The following IDH1 variants were observed in gnomAD, a reference collection of about 807,000 sequenced individuals.
IDH1 encodes isocitrate dehydrogenase (NADP(+)) 1.
A neutral mutation model predicts 46.1 loss-of-function variants in IDH1; 33 were observed. That is an observed-to-expected ratio of 0.72 (90% CI 0.54 to 0.96). The LOEUF (loss-of-function observed/expected upper bound fraction) is 0.96. Among genes scored for constraint, IDH1 ranks in the 40% least tolerant of loss-of-function variants. The pLI is 0.00. For synonymous variants in IDH1, 144 were observed against 172.8 expected (o/e 0.83, Z 1.31); for missense variants, 421 against 515.7 (o/e 0.82, Z 1.78).
At position 208,243,588 on chromosome 2, in the gene IDH1, G is replaced by T. The variant is rs748821411; in HGVS notation, c.537C>A (p.Ala179=). The T allele has an allele frequency of 3.2e-5, 52 of 1,613,550 alleles. No individual in the cohort carries two copies. The highest frequency in any genetic ancestry group is 4.3e-5 in the Non-Finnish European group (51 of 1,179,584). The change falls in exon 6 of 10, where the codon GCC becomes GCA. Residue 179 remains alanine, a synonymous_variant. Transcript: ENST00000345146. The part of the protein sequence containing the change: ...VHNFEEGGGV[A]MGMYNQDKSI... The stretch of plus-strand genomic sequence containing the variant: ...ACTTATCTTGATTATACATCCCCAT[G>T]GCAACACCACCACCTTCTGTAGAGG...
At chr2:208,237,286 G>A (rs774261308) in intron 9 of IDH1, 117 bp from the exon 10 acceptor site, 89 of 699,176 alleles carry the variant, frequency 1.3e-4, no homozygotes, top group Admixed American at 4.7e-4. Flanking sequence ...GGAAGAAAAC[G>A]CATTCATGTT....
intron 4 of IDH1, among the ~76,000 whole-genome samples, chr2:208,246,476 C>T (rs1688023995): frequency 6.6e-6 from 1 of 151,932 alleles, no homozygotes; most frequent in Non-Finnish European, 1.5e-5. Flanking sequence ...ATTACTATTT[C>T]TGAAAAGGGA....
Position 208,239,119 on chromosome 2 carries a change from G to A in IDH1, c.1106C>T (p.Ala369Val), listed in dbSNP as rs752187592. 2.5e-6 allele frequency: 4 copies of A among 1,613,976 alleles called. No homozygotes were observed. The highest frequency in any genetic ancestry group is 1.7e-4 in the Middle Eastern group (1 of 6,058). The change falls in exon 9 of 10, where the codon GCT becomes GTT. Residue 369 changes from alanine to valine, a missense_variant. Physicochemically the swap from Ala to Val is moderately conservative, Grantham distance 64. Transcript: ENST00000345146. ...LEEVSIETIE[A>V]GFMTKDLAAC... ...AGCCAAGTCCTTGGTCATGAAGCCA[G>A]CCTCAATTGTCTCAATAGAGACTTC...
At chr2:208,238,097 A>G (rs1419852353) in intron 9 of IDH1, among the ~76,000 whole-genome samples, 11 of 146,878 alleles carry the variant, frequency 7.5e-5, no homozygotes, top group African/African-American at 1.3e-4. Context: ...GTGCAGTGGC[A>G]CCATCTCGGC....
intron 6 of IDH1, among the ~76,000 whole-genome samples, chr2:208,242,448 T>A (rs1687938894): frequency 6.6e-6 from 1 of 152,240 alleles, no homozygotes; most frequent in African/African-American, 2.4e-5. Context: ...CATTATACTA[T>A]AGATCAGATT....
In IDH1 at chr2:208,248,442, C is replaced by T. The variant is rs1179650996; in HGVS notation, c.341G>A (p.Cys114Tyr). The T allele has an allele frequency of 1.2e-6, 2 of 1,613,974 alleles. No individual in the cohort carries two copies. The highest frequency in any genetic ancestry group is 1.7e-6 in the Non-Finnish European group (2 of 1,179,998). Reference protein sequence around the residue: ...GGTVFREAIICKNIPRLVSGW... With the variant: ...GGTVFREAIIYKNIPRLVSGW... Reference sequence around the variant, plus strand: ...ACTCACAAGCCGGGGGATATTTTTGCAGATAATGGCTTCTCTGAAGACCGT... The same window carrying T: ...ACTCACAAGCCGGGGGATATTTTTGTAGATAATGGCTTCTCTGAAGACCGT... Residue 114 changes from cysteine to tyrosine, a missense_variant, in exon 4 of 10, where the codon TGC becomes TAC. Coordinates refer to ENST00000345146, the MANE Select transcript of IDH1 (RefSeq NM_005896.4).
intron 4 of IDH1, chr2:208,247,421 C>G (rs185916564): frequency 3.4e-4 from 52 of 152,352 alleles, no homozygotes; most frequent in African/African-American, 1.2e-3. Flanking sequence ...AGGCTGCTTT[C>G]AACTACCGAG....
chr2:208,238,334 G>C lies in IDH1; in HGVS notation c.1154+737C>G, dbSNP rs144223704. Among the ~76,000 whole-genome samples the C allele has an allele frequency of 3.9e-5, 6 of 152,246 alleles. 1 individual carries two copies. The East Asian group carries it at 1.2e-3, about 30-fold the overall frequency. On this transcript the variant is annotated intron_variant, in intron 9 of 9. Coordinates refer to ENST00000345146, the MANE Select transcript of IDH1 (RefSeq NM_005896.4). ...ACAGGCATGAGCCACAGCACCCAGC[G>C]AACACTGCAATCTTGTTGGAAATTT...
At chr2:208,251,937 T>C (rs899553537) in intron 2 of IDH1, among the ~76,000 whole-genome samples, 4 of 152,216 alleles carry the variant, frequency 2.6e-5, no homozygotes, top group Non-Finnish European at 5.9e-5. Context: ...AATGCAATCA[T>C]TATTCTCAAC....
chr2:208,240,746 C>G (rs887606003), intron 7 of IDH1, among the ~76,000 whole-genome samples: 1 of 152,140 alleles, frequency 6.6e-6, no homozygotes, highest in Admixed American at 6.6e-5. Flanking sequence ...TTGCTACCTC[C>G]CAACATCACC....
intron 3 of IDH1, among the ~76,000 whole-genome samples, chr2:208,250,008 C>A (rs989528381): frequency 1.5e-4 from 23 of 152,184 alleles, no homozygotes; most frequent in African/African-American, 5.1e-4. Flanking sequence ...GCCCAGACCA[C>A]TGTCCAGCCT....
At chr2:208,253,217 G>T (rs565348636) in intron 2 of IDH1, among the ~76,000 whole-genome samples, 1 of 152,312 alleles carries the variant, frequency 6.6e-6, no homozygotes, top group African/African-American at 2.4e-5. Context: ...TTCCTTCTCA[G>T]TTAAAGCAAC....
chr2:208,241,389 ATTT>A (rs35384132), intron 7 of IDH1, among the ~76,000 whole-genome samples: 93 of 119,882 alleles, frequency 7.8e-4, no homozygotes, highest in Admixed American at 7.8e-4. Context: ...CACCTGGCTA[ATTT>A]TTTTTTTTTT....
At chr2:208,251,290 C>G (rs1274696318) in intron 3 of IDH1, 140 bp downstream of exon 3, 13 of 758,000 alleles carry the variant, frequency 1.7e-5, no homozygotes, top group Non-Finnish European at 4.4e-6. Flanking sequence ...CACTCTGTTG[C>G]CCAGGCTGGA....
At chr2:208,249,041 A>G (rs1410088001) in intron 3 of IDH1, among the ~76,000 whole-genome samples, 1 of 152,130 alleles carries the variant, frequency 6.6e-6, no homozygotes. Context: ...CTTAGTAAAT[A>G]TTGCTCTTTA....
chr2:208,242,834 G>A (rs1687945886), intron 6 of IDH1, among the ~76,000 whole-genome samples: 1 of 149,904 alleles, frequency 6.7e-6, no homozygotes, highest in East Asian at 2.0e-4. Flanking sequence ...GCGTGATTTC[G>A]GCTCACTGCA....
chr2:208,246,061 G>A (rs977148401), intron 4 of IDH1, among the ~76,000 whole-genome samples: 3 of 152,120 alleles, frequency 2.0e-5, no homozygotes, highest in Admixed American at 6.5e-5. Flanking sequence ...TTAGGCCATC[G>A]GGGCTCGGTC....
chr2:208,238,800 T>G (rs1192788374), intron 9 of IDH1, among the ~76,000 whole-genome samples: 1 of 152,208 alleles, frequency 6.6e-6, no homozygotes, highest in Non-Finnish European at 1.5e-5. Flanking sequence ...AAAGTTTGAT[T>G]GGTACCAGCC....
At chr2:208,246,339 A>G (rs954060526) in intron 4 of IDH1, among the ~76,000 whole-genome samples, 3 of 152,188 alleles carry the variant, frequency 2.0e-5, no homozygotes, top group East Asian at 1.9e-4. Context: ...GGCCACATCT[A>G]TAAGTGTAGA....
Sources: gnomAD v4.1 joint callset for allele counts (sites outside exome capture counted in the v4.1 genomes callset) on GRCh38, gnomAD v4.1.1 for gene constraint, MANE v1.5 for transcripts, NCBI Gene and HGNC (gene_info 2026-07-23, HGNC 2026-07-21) for gene names.